Variants in LIN7A observed in about 807,000 individuals in gnomAD.
LIN7A encodes the protein protein lin-7 homolog A.
LIN7A carries 25 observed loss-of-function variants against 29.8 expected under a neutral mutation model. The observed-to-expected ratio is 0.84, with a 90% CI of 0.61 to 1.17. The LOEUF is 1.17. Ranked by LOEUF, LIN7A falls within the 50% of genes most tolerant of loss-of-function variation. The pLI is 0.00. For synonymous variants in LIN7A, 118 were observed against 107.5 expected (o/e 1.10, Z -0.60); for missense variants, 239 against 287.0 (o/e 0.83, Z 1.21).
chr12:80,856,274 C>T (rs900054262), intron 2 of LIN7A, among the ~76,000 whole-genome samples: 3 of 152,098 alleles, frequency 2.0e-5, no homozygotes, highest in Middle Eastern at 3.2e-3. Flanking sequence ...GAAAACATGT[C>T]ACCCGTCGGA....
chr12:80,852,830 A>G (rs1873397439), intron 2 of LIN7A, among the ~76,000 whole-genome samples: 1 of 152,182 alleles, frequency 6.6e-6, no homozygotes, highest in African/African-American at 2.4e-5. Context: ...CCCTTCTCCC[A>G]GTATTGTCTG....
At chr12:80,859,370 T>C (rs1233774173) in intron 2 of LIN7A, among the ~76,000 whole-genome samples, 2 of 152,184 alleles carry the variant, frequency 1.3e-5, no homozygotes, top group Non-Finnish European at 2.9e-5. Flanking sequence ...ACAATGTTGT[T>C]TGAGTCATTT....
At chr12:80,825,420 T>A (rs1872016759) in intron 4 of LIN7A, among the ~76,000 whole-genome samples, 1 of 152,200 alleles carries the variant, frequency 6.6e-6, no homozygotes. Context: ...CATAATCAGA[T>A]GAAGACTTTA....
intron 5 of LIN7A, among the ~76,000 whole-genome samples, chr12:80,802,193 G>A (rs757378620): frequency 7.9e-5 from 12 of 151,866 alleles, no homozygotes; most frequent in Admixed American, 1.3e-4. Context: ...GCACCTGGCC[G>A]AGTCTAACTT....
intron 4 of LIN7A, among the ~76,000 whole-genome samples, chr12:80,823,952 C>T (rs1444582508): frequency 6.6e-6 from 1 of 152,106 alleles, no homozygotes; most frequent in African/African-American, 2.4e-5. Flanking sequence ...AATCTAAGGT[C>T]AGACCTCACA....
intron 2 of LIN7A, among the ~76,000 whole-genome samples, chr12:80,880,289 A>G (rs982215395): frequency 6.6e-6 from 1 of 152,188 alleles, no homozygotes; most frequent in African/African-American, 2.4e-5. Context: ...TCTACAAAGA[A>G]GTCCATCCAT....
intron 1 of LIN7A, among the ~76,000 whole-genome samples, chr12:80,930,112 C>A (rs1877813068): frequency 1.3e-5 from 2 of 152,072 alleles, no homozygotes; most frequent in African/African-American, 2.4e-5. Context: ...CCACACTGGG[C>A]AAGTAAACAA....
At chr12:80,853,858 A>T (rs1873455266) in intron 2 of LIN7A, among the ~76,000 whole-genome samples, 1 of 152,016 alleles carries the variant, frequency 6.6e-6, no homozygotes, top group Admixed American at 6.6e-5. Context: ...TGCCCAGCTA[A>T]TTTTTTTGTA....
chr12:80,811,154 T>C (rs1871266792), intron 5 of LIN7A, among the ~76,000 whole-genome samples: 1 of 152,206 alleles, frequency 6.6e-6, no homozygotes, highest in African/African-American at 2.4e-5. Context: ...GGCTGCATTT[T>C]CTTAATTTGT....
chr12:80,804,088 A>G (rs549496129), intron 5 of LIN7A, among the ~76,000 whole-genome samples: 1 of 152,046 alleles, frequency 6.6e-6, no homozygotes, highest in South Asian at 2.1e-4. Flanking sequence ...TTAATTTTTA[A>G]TTTTTGTGGG....
chr12:80,840,129 T>A (rs1416285741), intron 4 of LIN7A, among the ~76,000 whole-genome samples: 1 of 152,162 alleles, frequency 6.6e-6, no homozygotes, highest in East Asian at 1.9e-4. Context: ...ATATCACCTT[T>A]TGGACTTTCT....
intron 1 of LIN7A, among the ~76,000 whole-genome samples, chr12:80,899,276 T>A (rs1876071742): frequency 6.6e-6 from 1 of 152,222 alleles, no homozygotes; most frequent in East Asian, 1.9e-4. Flanking sequence ...ATGTGGTGAA[T>A]CACATTTATT....
chr12:80,919,838 G>A (rs777923466), intron 1 of LIN7A, among the ~76,000 whole-genome samples: 5 of 152,146 alleles, frequency 3.3e-5, no homozygotes, highest in Non-Finnish European at 7.4e-5. Flanking sequence ...GACACACAGA[G>A]GCTTCCTAAG....
intron 2 of LIN7A, among the ~76,000 whole-genome samples, chr12:80,864,841 G>A (rs978906390): frequency 6.6e-6 from 1 of 152,134 alleles, no homozygotes; most frequent in African/African-American, 2.4e-5. Flanking sequence ...TTTGGGGATG[G>A]CAAAAATCTG....
intron 4 of LIN7A, among the ~76,000 whole-genome samples, chr12:80,825,658 A>G (rs1872028950): frequency 6.6e-6 from 1 of 152,220 alleles, no homozygotes; most frequent in Non-Finnish European, 1.5e-5. Flanking sequence ...AGCAAGGAAT[A>G]CATCATCCTA....
chr12:80,916,754 G>T (rs764566018), intron 1 of LIN7A, among the ~76,000 whole-genome samples: 4 of 152,192 alleles, frequency 2.6e-5, no homozygotes, highest in African/African-American at 4.8e-5. Flanking sequence ...AATAGGAAAA[G>T]ATTTCATGAG....
intron 2 of LIN7A, among the ~76,000 whole-genome samples, chr12:80,880,767 A>G (rs1874983271): frequency 7.1e-6 from 1 of 140,820 alleles, no homozygotes; most frequent in South Asian, 2.3e-4. Flanking sequence ...ACACACACAC[A>G]CACACACATA....
In LIN7A at chr12:80,854,771, CTT is replaced by C. The variant is rs1345311378; in HGVS notation, c.202-6451_202-6450del. Among the ~76,000 whole-genome samples, 17 of 151,944 alleles carry C rather than the reference CTT, an allele frequency of 1.1e-4. No individual in the cohort carries two copies. The East Asian group carries it at 3.1e-3, about 28-fold the overall frequency. On this transcript the variant is annotated intron_variant, in intron 2 of 5. Transcript: ENST00000552864. ...TCTAAATTATACTTCGAAAGACTGACTTTTTAAAAAGCAAAAAATATTTTTTA... is the reference window on the plus strand; with the variant it reads ...TCTAAATTATACTTCGAAAGACTGACTTTAAAAAGCAAAAAATATTTTTTA...
chr12:80,891,739 T>C (rs1304481640), intron 1 of LIN7A, among the ~76,000 whole-genome samples: 2 of 152,102 alleles, frequency 1.3e-5, no homozygotes, highest in African/African-American at 4.8e-5. Flanking sequence ...TCAGGGAGGA[T>C]CTATTTGTGG....
Sources: allele counts gnomAD v4.1 joint callset (sites outside exome capture counted in the v4.1 genomes callset), GRCh38; gene constraint gnomAD v4.1.1; transcripts MANE v1.5; gene names NCBI Gene and HGNC (gene_info 2026-07-23, HGNC 2026-07-21).